Variants in KRT39 observed in about 807,000 individuals in gnomAD.
KRT39 encodes keratin, type I cytoskeletal 39.
In KRT39, 47 loss-of-function variants were observed where a neutral mutation model predicts 54.8. That is an observed-to-expected ratio of 0.86 (90% CI 0.68 to 1.09). The LOEUF is 1.09. Ranked by LOEUF, KRT39 falls within the 50% of genes least tolerant of loss-of-function variation. The pLI is 0.00. For missense variants in KRT39, 580 were observed against 598.5 expected, an observed-to-expected ratio of 0.97 and a Z score of 0.32; for synonymous variants, 207 against 227.9, an observed-to-expected ratio of 0.91 and a Z score of 0.83.
intron 1 of KRT39, among the ~76,000 whole-genome samples, chr17:40,964,769 G>T (rs370720298): frequency 1.9e-5 from 2 of 106,350 alleles, no homozygotes; most frequent in East Asian, 4.3e-4. Context: ...TGTTGTTGTT[G>T]TTAAAAAATC....
intron 5 of KRT39, 124 bp downstream of exon 5, chr17:40,962,038 T>C: frequency 7.5e-7 from 1 of 1,331,766 alleles, no homozygotes; most frequent in Middle Eastern, 2.7e-4. Flanking sequence ...TTTTCAGCCA[T>C]AGACGCTTTA....
intron 1 of KRT39, 97 bp from the exon 2 acceptor site, chr17:40,964,625 G>A: frequency 1.2e-6 from 1 of 806,526 alleles, no homozygotes; most frequent in Non-Finnish European, 2.2e-6. Flanking sequence ...AACAGGGGAA[G>A]GCTAAGTAGA....
In KRT39 at chr17:40,962,430, T is replaced by C. The variant is rs1045091853; in HGVS notation, c.842A>G (p.Lys281Arg). 73 of 1,614,128 alleles carry C rather than the reference T, an allele frequency of 4.5e-5. No homozygotes were observed. The highest frequency in any genetic ancestry group is 2.3e-4 in the Admixed American group (14 of 60,010). Residue 281 changes from lysine to arginine, a missense_variant, in exon 4 of 7, where the codon AAA becomes AGA. Transcript: ENST00000355612. ...QYEPIMETNR[K>R]DVEQWFNTQI... The stretch of plus-strand genomic sequence containing the variant: ...CGTGTTGAACCACTGTTCCACATCT[T>C]TGCGGTTTGTCTCCATGATGGGCTC...
chr17:40,960,494 G>A lies in KRT39; in HGVS notation c.1004C>T (p.Ser335Phe), dbSNP rs772309568. Residue 335 changes from serine to phenylalanine, a missense_variant, in exon 6 of 7, where the codon TCC (serine) becomes TTC (phenylalanine). Ser to Phe is a radical substitution (Grantham distance 155, BLOSUM62 -2). Transcript: ENST00000355612. ...TGTCTCCGTTAGGATGCACTCTTGG[G>A]AATCTCTCTACCATGGAGAAGGATA... ...ELQAQHRMRD[S>F]QECILTETEA... is the part of the protein sequence containing the mutation. 8.2e-5 allele frequency: 133 copies of A among 1,612,762 alleles called. 1 individual carries two copies. The highest frequency in any genetic ancestry group is 1.1e-4 in the Non-Finnish European group (129 of 1,178,948).
rs139474360 is a variant in KRT39 at position 40,965,165 on chromosome 17, C to T, written c.469-637G>A. 4.5e-3 allele frequency among the ~76,000 whole-genome samples: 682 copies of T among 151,098 alleles called. 7 individuals are homozygous for T. Among genetic ancestry groups the T allele is most frequent in the African/African-American group, 0.016 (658 of 41,152 alleles). ...CTAGCAGTGAGCCGAGATCGCGCCA[C>T]TGCACTGCAGCCTGGGAGACAGAGC... On this transcript the variant is annotated intron_variant, in intron 1 of 6. Coordinates refer to ENST00000355612, the MANE Select transcript of KRT39 (RefSeq NM_213656.4).
Position 40,958,670 on chromosome 17 carries a change from C to A in KRT39, c.1407G>T (p.Lys469Asn). 1 of 1,614,040 alleles carries A rather than the reference C, an allele frequency of 6.2e-7. No individual in the cohort carries two copies. The highest frequency in any genetic ancestry group is 8.5e-7 in the Non-Finnish European group (1 of 1,179,974). The change falls in exon 7 of 7, where the codon AAG becomes AAT. Residue 469 changes from lysine (K) to asparagine (N), a missense_variant. Coordinates refer to ENST00000355612, the MANE Select transcript of KRT39 (RefSeq NM_213656.4). ...CGTAAGAAGAAATGACCTTCCCATC[C>A]TTAATCTCCTTGGTGATGGTGCAAA... ...VKICTITKEI[K>N]DGKVISSYEH...
intron 5 of KRT39, among the ~76,000 whole-genome samples, chr17:40,961,822 G>A (rs978057506): frequency 6.6e-6 from 1 of 152,140 alleles, no homozygotes; most frequent in Non-Finnish European, 1.5e-5. Flanking sequence ...TTCCCAAAGT[G>A]TACTTCATGA....
At position 40,963,780 on chromosome 17, in the gene KRT39, G is replaced by A. The variant is rs761258011; in HGVS notation, c.555C>T (p.Tyr185=). 1.7e-5 allele frequency: 27 copies of A among 1,570,488 alleles called. No homozygotes were observed. The highest frequency in any genetic ancestry group is 9.1e-5 in the East Asian group (4 of 44,022). The change falls in exon 3 of 7, where the codon TAC becomes TAT. Residue 185 remains tyrosine (Y), a synonymous_variant. Coordinates refer to ENST00000355612, the MANE Select transcript of KRT39 (RefSeq NM_213656.4). ...GCTGGCGTAGAGACACCTCAGCTTC[G>A]TATCTTTAAAAACCAGATGGGAAAA... is the stretch of plus-strand genomic sequence containing the variant. ...KLTADDLRAK[Y]EAEVSLRQLV... is the part of the protein sequence containing the mutation.
At chr17:40,961,216 CAT>C (rs1911140697) in intron 5 of KRT39, among the ~76,000 whole-genome samples, 2 of 151,770 alleles carry the variant, frequency 1.3e-5, no homozygotes. Flanking sequence ...AATGTTTTAC[CAT>C]ATACAATTTA....
intron 5 of KRT39, 96 bp from the exon 6 acceptor site, chr17:40,960,597 A>C: frequency 1.2e-6 from 1 of 823,450 alleles, no homozygotes; most frequent in Admixed American, 2.1e-5. Flanking sequence ...TCTTTGTGAC[A>C]CTACTGATAG....
At chr17:40,959,138 AGACT>A (rs1344326659) in intron 6 of KRT39, among the ~76,000 whole-genome samples, 1 of 152,224 alleles carries the variant, frequency 6.6e-6, no homozygotes, top group African/African-American at 2.4e-5. Context: ...AGCAGTCAAA[AGACT>A]GAGGCAGAGA....
At chr17:40,960,574 A>T (rs559122718) in intron 5 of KRT39, 73 bp from the exon 6 acceptor site, 34 of 1,097,342 alleles carry the variant, frequency 3.1e-5, no homozygotes, top group African/African-American at 1.7e-4. Flanking sequence ...TGTATCATTT[A>T]AAAAAAATGG....
chr17:40,959,234 A>G (rs2143608112), intron 6 of KRT39, among the ~76,000 whole-genome samples: 1 of 152,326 alleles, frequency 6.6e-6, no homozygotes, highest in African/African-American at 2.4e-5. Flanking sequence ...TGCAGAATGG[A>G]TATAATGGAA....
chr17:40,964,446 T>A lies in KRT39; in HGVS notation c.551A>T (p.Lys184Ile). ...TGATGACGGTGTTGGGTGGGCTTAC[T>A]TGGCTCTCAAGTCATCTGCAGTCAG... ...TKLTADDLRA[K>I]YEAEVSLRQL... Residue 184 changes from lysine to isoleucine, a missense_variant and splice_region_variant, in exon 2 of 7, where the codon AAA becomes ATA. Transcript: ENST00000355612. 6.2e-7 allele frequency: 1 copy of A among 1,614,090 alleles called. No individual in the cohort carries two copies. Among genetic ancestry groups the A allele is most frequent in the Non-Finnish European group, 8.5e-7 (1 of 1,179,926 alleles).
rs1911001887 is a variant in KRT39, at chr17:40,958,675, T to A, written c.1402A>T (p.Ile468Phe). 3 of 1,614,046 alleles carry A rather than the reference T, an allele frequency of 1.9e-6. No individual in the cohort carries two copies. The highest frequency in any genetic ancestry group is 2.7e-5 in the African/African-American group (2 of 75,022). Residue 468 changes from isoleucine (I) to phenylalanine (F), a missense_variant, in exon 7 of 7, where the codon ATT becomes TTT. Coordinates refer to ENST00000355612, the MANE Select transcript of KRT39 (RefSeq NM_213656.4). ...GAAGAAATGACCTTCCCATCCTTAA[T>A]CTCCTTGGTGATGGTGCAAATTTTA... ...LVKICTITKE[I>F]KDGKVISSYE...
intron 4 of KRT39, 45 bp from the exon 5 acceptor site, chr17:40,962,332 A>G: frequency 6.2e-7 from 1 of 1,612,252 alleles, no homozygotes; most frequent in Non-Finnish European, 8.5e-7. Flanking sequence ...GGAGGAAAAC[A>G]TGACTTTGAT....
chr17:40,965,094 C>T (rs1326772877), intron 1 of KRT39, among the ~76,000 whole-genome samples: 2 of 151,814 alleles, frequency 1.3e-5, no homozygotes, highest in African/African-American at 4.8e-5. Flanking sequence ...GTCCCAGCTA[C>T]TTGGGAGGCT....
At chr17:40,966,195 T>G (rs1194988062) in intron 1 of KRT39, among the ~76,000 whole-genome samples, 194 bp downstream of exon 1, 1 of 152,096 alleles carries the variant, frequency 6.6e-6, no homozygotes, top group Non-Finnish European at 1.5e-5. Context: ...CAGGTGTGCA[T>G]CACTGCGCCT....
chr17:40,966,331 C>A (rs1031370337), intron 1 of KRT39, 58 bp downstream of exon 1: 6 of 1,328,060 alleles, frequency 4.5e-6, no homozygotes, highest in African/African-American at 4.4e-5. Context: ...TAGCAAATAA[C>A]TGTTGCTTGG....
Sources: gnomAD v4.1 joint callset for allele counts (sites outside exome capture counted in the v4.1 genomes callset) on GRCh38, gnomAD v4.1.1 for gene constraint, MANE v1.5 for transcripts, NCBI Gene and HGNC (gene_info 2026-07-23, HGNC 2026-07-21) for gene names.